MYO1H: variants seen among roughly 807,000 people sequenced by gnomAD.
MYO1H encodes the protein unconventional myosin-Ih.
Under a neutral mutation model 149.3 loss-of-function variants are expected in MYO1H, and 118 were observed. The ratio of observed to expected loss-of-function variants is 0.79; its 90% CI spans 0.68 to 0.92. The LOEUF is 0.92. MYO1H is among the 40% of genes least tolerant of loss of function. The pLI, the probability that MYO1H is intolerant of heterozygous loss-of-function variation, is 0.00. For synonymous variants in MYO1H, 447 were observed against 465.2 expected (o/e 0.96, Z 0.50); for missense variants, 1,212 against 1,280.7 (o/e 0.95, Z 0.82).
upstream of MYO1H, among the ~76,000 whole-genome samples, chr12:109,345,230 A>C (rs530340094): frequency 6.6e-6 from 1 of 152,322 alleles, no homozygotes; most frequent in East Asian, 1.9e-4. Flanking sequence ...TAGTATCCAG[A>C]ATATATAAGG....
chr12:109,428,106 A>G (rs923217336), intron 19 of MYO1H, among the ~76,000 whole-genome samples: 2 of 146,114 alleles, frequency 1.4e-5, no homozygotes, highest in Non-Finnish European at 1.5e-5. Flanking sequence ...CAAAACAACA[A>G]AAAAAAAAAC....
chr12:109,344,432 G>A (rs986120966), upstream of MYO1H, among the ~76,000 whole-genome samples: 1 of 152,198 alleles, frequency 6.6e-6, no homozygotes, highest in Non-Finnish European at 1.5e-5. Context: ...AGCAAAAGAA[G>A]TGTAAGACTT....
intron 1 of MYO1H, among the ~76,000 whole-genome samples, chr12:109,378,989 T>G (rs1283917896): frequency 6.6e-6 from 1 of 152,248 alleles, no homozygotes; most frequent in Admixed American, 6.5e-5. Context: ...TTGTTTAATG[T>G]CTTTTCCATT....
chr12:109,323,613 C>G, the MYO1H span, among the ~76,000 whole-genome samples: 1 of 152,164 alleles, frequency 6.6e-6, no homozygotes. Flanking sequence ...TAAGTGCTCC[C>G]AGAGGGTACT....
chr12:109,445,714 A>T lies in MYO1H; in HGVS notation c.3093+102A>T, dbSNP rs961732788. ...TGTAGATTGACTGGAATCATAAGCT[A>T]TTAATAGTTCATTTCTGCCCTCTAT... On this transcript the variant is annotated intron_variant, in intron 31 of 31. Coordinates refer to ENST00000310903, the Ensembl canonical transcript of MYO1H. The T allele has an allele frequency of 2.1e-6, 3 of 1,448,146 alleles. No individual in the cohort carries two copies. The African/African-American group carries it at 4.3e-5, about 21-fold the overall frequency. The allele number at this position is 1,448,146 out of a possible 1,614,324, so 89.7% of individuals were successfully genotyped here.
chr12:109,350,877 G>A (rs191298823), intron 1 of MYO1H, among the ~76,000 whole-genome samples: 92 of 152,220 alleles, frequency 6.0e-4, no homozygotes, highest in African/African-American at 3.1e-4. Context: ...TCCCTCAATC[G>A]TTACATCTTA....
intron 1 of MYO1H, among the ~76,000 whole-genome samples, chr12:109,372,332 T>C (rs1224229824): frequency 6.6e-6 from 1 of 152,136 alleles, no homozygotes; most frequent in Non-Finnish European, 1.5e-5. Flanking sequence ...CCAGCCTTCC[T>C]TTTATAGAAC....
At chr12:109,388,659 T>C (rs941547149) in intron 1 of MYO1H, 24 bp from the exon 2 acceptor site, 5 of 1,527,292 alleles carry the variant, frequency 3.3e-6, no homozygotes, top group Non-Finnish European at 2.7e-6. Context: ...GATGAGCTGC[T>C]GAAGAATGTT....
chr12:109,425,972 G>C, exon 18 of MYO1H: 1 of 1,613,806 alleles, frequency 6.2e-7, no homozygotes, highest in Non-Finnish European at 8.5e-7. Flanking sequence ...AAAACAGTCT[G>C]AGCAGCCTTC....
chr12:109,406,909 G>A, intron 9 of MYO1H, 49 bp downstream of exon 9: 1 of 1,537,744 alleles, frequency 6.5e-7, no homozygotes, highest in South Asian at 1.1e-5. Flanking sequence ...TGCTGCTGCT[G>A]CCTCCCTCGA....
chr12:109,447,861 GA>G (rs1167330243), exon 32 of MYO1H: 8 of 152,394 alleles, frequency 5.2e-5, no homozygotes, highest in Admixed American at 5.2e-4. Context: ...GTTGGAGAAC[GA>G]ATGAATACAA....
intron 19 of MYO1H, among the ~76,000 whole-genome samples, chr12:109,428,624 T>C (rs575039675): frequency 6.6e-6 from 1 of 152,166 alleles, no homozygotes; most frequent in Non-Finnish European, 1.5e-5. Flanking sequence ...ATAGCAGAAA[T>C]TTCATGTGGT....
chr12:109,433,233 A>T (rs1455235312), intron 20 of MYO1H, among the ~76,000 whole-genome samples: 1 of 152,172 alleles, frequency 6.6e-6, no homozygotes, highest in Admixed American at 6.5e-5. Flanking sequence ...AAACTTCCGC[A>T]CTAAACTGAT....
In MYO1H at chr12:109,443,337, CGTATATATGTGTGTAT is replaced by C. The variant is rs1872318115; in HGVS notation, c.2689-176_2689-161del. 1.5e-5 allele frequency among the ~76,000 whole-genome samples: 2 copies of C among 130,220 alleles called. 1 individual carries two copies. Among genetic ancestry groups the C allele is most frequent in the Non-Finnish European group, 3.2e-5 (2 of 62,102 alleles). The allele number at this position is 130,220 out of a possible 152,430, so 85.4% of individuals were successfully genotyped here. A position where few individuals can be genotyped will look rare whatever the true frequency, so the allele number is the denominator to read the frequency against. ...GTATATATGTGTGTATGTATGTGTACGTATATATGTGTGTATATACACACACACACACACACACACA... is the reference window on the plus strand; with the variant it reads ...GTATATATGTGTGTATGTATGTGTACATACACACACACACACACACACACA... On this transcript the variant is annotated intron_variant, in intron 27 of 31. Coordinates refer to ENST00000310903, the Ensembl canonical transcript of MYO1H.
At chr12:109,362,752 C>T (rs1348775451) in intron 1 of MYO1H, among the ~76,000 whole-genome samples, 1 of 152,186 alleles carries the variant, frequency 6.6e-6, no homozygotes, top group Admixed American at 6.5e-5. Context: ...ACATAGAAGA[C>T]CCTCTGGAAT....
exon 2 of MYO1H, chr12:109,388,770 C>T: frequency 6.2e-7 from 1 of 1,613,074 alleles, no homozygotes; most frequent in Non-Finnish European, 8.5e-7. Flanking sequence ...GGATTTTGTG[C>T]TATTGGACGC....
chr12:109,333,453 CCTT>C, the MYO1H span, among the ~76,000 whole-genome samples: 182 of 152,236 alleles, frequency 1.2e-3, 1 homozygote, highest in Middle Eastern at 3.4e-3. Context: ...GGTTTTCTCT[CCTT>C]CTCCATAGGC....
intron 1 of MYO1H, among the ~76,000 whole-genome samples, chr12:109,350,881 C>G (rs1359821738): frequency 6.6e-6 from 1 of 152,182 alleles, no homozygotes; most frequent in Non-Finnish European, 1.5e-5. Context: ...TCAATCGTTA[C>G]ATCTTACATA....
chr12:109,334,543 A>G, the MYO1H span, among the ~76,000 whole-genome samples: 1 of 152,230 alleles, frequency 6.6e-6, no homozygotes, highest in South Asian at 2.1e-4. Context: ...TTAAGCATCT[A>G]GGAAAGCCAG....
Sources: gnomAD v4.1 joint callset for allele counts (sites outside exome capture counted in the v4.1 genomes callset) on GRCh38, gnomAD v4.1.1 for gene constraint, MANE v1.5 for transcripts, NCBI Gene and HGNC (gene_info 2026-07-23, HGNC 2026-07-21) for gene names.